ATRNL1: variants seen among roughly 807,000 people sequenced by gnomAD.
ATRNL1 encodes attractin-like protein 1.
ATRNL1 carries 95 observed loss-of-function variants against 182.7 expected under a neutral mutation model. That is an observed-to-expected ratio of 0.52 (90% CI 0.44 to 0.62). The LOEUF is 0.62. Among genes scored for constraint, ATRNL1 ranks in the 20% least tolerant of loss-of-function variants. The pLI, the probability that ATRNL1 is intolerant of heterozygous loss-of-function variation, is 0.00. For missense variants in ATRNL1, 1,471 were observed against 1,679.5 expected (o/e 0.88, Z 2.17); for synonymous variants, 576 against 568.3 (o/e 1.01, Z -0.19).
chr10:115,707,587 A>G (rs1309876249), intron 26 of ATRNL1, among the ~76,000 whole-genome samples: 1 of 151,692 alleles, frequency 6.6e-6, no homozygotes, highest in Non-Finnish European at 1.5e-5. Flanking sequence ...TTATATATGT[A>G]TGTGCATTTA....
At chr10:115,587,444 C>A (rs559336177) in intron 26 of ATRNL1, among the ~76,000 whole-genome samples, 29 of 151,878 alleles carry the variant, frequency 1.9e-4, no homozygotes, top group African/African-American at 6.7e-4. Flanking sequence ...CAGCCAGGTG[C>A]GGAATATAAT....
intron 26 of ATRNL1, among the ~76,000 whole-genome samples, chr10:115,566,239 G>A (rs1175222480): frequency 1.3e-5 from 2 of 152,002 alleles, no homozygotes; most frequent in African/African-American, 2.4e-5. Flanking sequence ...CTGGGCAAGA[G>A]CTGTAGTTTT....
At chr10:115,925,949 C>T (rs1953217975) in intron 28 of ATRNL1, among the ~76,000 whole-genome samples, 1 of 152,184 alleles carries the variant, frequency 6.6e-6, no homozygotes, top group African/African-American at 2.4e-5. Context: ...CCCAAATCAA[C>T]AGAATATACA....
At chr10:115,281,292 A>T in intron 13 of ATRNL1, 63 bp from the exon 14 acceptor site, 1 of 1,449,998 alleles carries the variant, frequency 6.9e-7, no homozygotes, top group South Asian at 1.4e-5. Context: ...TTAAATATAC[A>T]CTGAAGTTTA....
At chr10:115,657,066 A>G (rs1860376720) in intron 26 of ATRNL1, among the ~76,000 whole-genome samples, 1 of 152,158 alleles carries the variant, frequency 6.6e-6, no homozygotes, top group Admixed American at 6.5e-5. Context: ...GTTTCATTAT[A>G]CATCATTTCA....
intron 26 of ATRNL1, among the ~76,000 whole-genome samples, chr10:115,587,322 C>G (rs1300475983): frequency 3.5e-4 from 54 of 152,264 alleles, no homozygotes; most frequent in African/African-American, 1.3e-3. Context: ...GTTTACCTGA[C>G]CAAGCCTTGG....
At chr10:115,845,285 T>C (rs1950901603) in intron 27 of ATRNL1, among the ~76,000 whole-genome samples, 1 of 152,082 alleles carries the variant, frequency 6.6e-6, no homozygotes, top group Non-Finnish European at 1.5e-5. Context: ...AATTTCTGAA[T>C]GTTTTCTATA....
At chr10:115,102,258 GAA>G (rs1338795036) in intron 1 of ATRNL1, among the ~76,000 whole-genome samples, 1 of 152,044 alleles carries the variant, frequency 6.6e-6, no homozygotes, top group African/African-American at 2.4e-5. Flanking sequence ...ACCATTTGTT[GAA>G]AAGACTATCC....
chr10:115,831,709 GT>G (rs1555093764), intron 27 of ATRNL1, among the ~76,000 whole-genome samples: 2 of 151,272 alleles, frequency 1.3e-5, no homozygotes, highest in African/African-American at 4.8e-5. Flanking sequence ...CATTTGTAAA[GT>G]TTGGGTAGTA....
At chr10:115,269,919 A>G (rs1354897557) in intron 13 of ATRNL1, among the ~76,000 whole-genome samples, 1 of 152,176 alleles carries the variant, frequency 6.6e-6, no homozygotes, top group East Asian at 1.9e-4. Context: ...GGAAATTTGC[A>G]GTTACTGACT....
intron 22 of ATRNL1, among the ~76,000 whole-genome samples, chr10:115,466,023 G>C (rs527915755): frequency 6.6e-6 from 1 of 151,572 alleles, no homozygotes; most frequent in South Asian, 2.1e-4. Flanking sequence ...TTATACGTCT[G>C]TCAAATGGTA....
In ATRNL1 at chr10:115,815,078, C is replaced by T. The variant is rs570579801; in HGVS notation, c.3904-32799C>T. ...CCTACAGATTTCTGATATGAACAGA[C>T]AGTGGCTATTAAACAAATAAACAAA... On this transcript the variant is annotated intron_variant, in intron 27 of 28. Coordinates refer to ENST00000355044, the MANE Select transcript of ATRNL1 (RefSeq NM_207303.4). Among the ~76,000 whole-genome samples, 6 of 152,230 alleles carry T rather than the reference C, an allele frequency of 3.9e-5. No homozygotes were observed. In the East Asian group the frequency reaches 1.2e-3, roughly 29 times the overall value.
rs370287388 is a variant in ATRNL1, at chr10:115,896,898, T to C, written c.4019-47760T>C. Among the ~76,000 whole-genome samples, 186 of 152,292 alleles carry C rather than the reference T, an allele frequency of 1.2e-3. 1 individual carries two copies. The highest frequency in any genetic ancestry group is 4.3e-3 in the African/African-American group (177 of 41,562). ...AAGATCGAAATATGAGTAAACATTTTTACAAACTTGTAATAGGGAGGACCC... is the reference window on the plus strand; with the variant it reads ...AAGATCGAAATATGAGTAAACATTTCTACAAACTTGTAATAGGGAGGACCC... On this transcript the variant is annotated intron_variant, in intron 28 of 28. Coordinates refer to ENST00000355044, the MANE Select transcript of ATRNL1 (RefSeq NM_207303.4).
intron 27 of ATRNL1, among the ~76,000 whole-genome samples, chr10:115,745,389 T>C (rs1555068897): frequency 6.6e-6 from 1 of 152,206 alleles, no homozygotes. Flanking sequence ...TAGACATTTG[T>C]ATTTTTCAGG....
chr10:115,451,840 G>A (rs1408278220), intron 21 of ATRNL1, among the ~76,000 whole-genome samples: 3 of 152,016 alleles, frequency 2.0e-5, no homozygotes, highest in African/African-American at 7.2e-5. Context: ...GTTCACAATA[G>A]CAAAAACATG....
chr10:115,784,243 T>C (rs1336376897), intron 27 of ATRNL1, among the ~76,000 whole-genome samples: 4 of 152,240 alleles, frequency 2.6e-5, no homozygotes, highest in Non-Finnish European at 5.9e-5. Context: ...AGATTTATTT[T>C]GTATGCCAGA....
intron 19 of ATRNL1, among the ~76,000 whole-genome samples, chr10:115,358,469 T>C (rs1856598996): frequency 6.6e-6 from 1 of 151,592 alleles, no homozygotes; most frequent in Non-Finnish European, 1.5e-5. Context: ...TACATTTTAC[T>C]CAATAATACA....
At chr10:115,195,922 T>A (rs1848343197) in intron 8 of ATRNL1, among the ~76,000 whole-genome samples, 1 of 152,136 alleles carries the variant, frequency 6.6e-6, no homozygotes, top group Non-Finnish European at 1.5e-5. Context: ...AGATGTTTTA[T>A]AATTTTGGCT....
chr10:115,326,160 G>A (rs1854867329), intron 18 of ATRNL1, among the ~76,000 whole-genome samples: 1 of 152,150 alleles, frequency 6.6e-6, no homozygotes, highest in African/African-American at 2.4e-5. Context: ...GTTTGCAGAT[G>A]ACATGATTGT....
Sources: gnomAD v4.1 joint callset for allele counts (sites outside exome capture counted in the v4.1 genomes callset) on GRCh38, gnomAD v4.1.1 for gene constraint, MANE v1.5 for transcripts, NCBI Gene and HGNC (gene_info 2026-07-23, HGNC 2026-07-21) for gene names.